RRAS2: variants seen among roughly 807,000 people sequenced by gnomAD.
The protein encoded by RRAS2 is ras-related protein R-Ras2.
Under a neutral mutation model 27.6 loss-of-function variants are expected in RRAS2, and 7 were observed. The ratio of observed to expected loss-of-function variants is 0.25; its 90% CI spans 0.14 to 0.48. The LOEUF (loss-of-function observed/expected upper bound fraction) is 0.48. RRAS2 is among the 20% of genes least tolerant of loss of function. The pLI, the probability that RRAS2 is intolerant of heterozygous loss-of-function variation, is 0.99. For missense variants in RRAS2, 178 were observed against 256.2 expected (o/e 0.69, Z 2.08); for synonymous variants, 86 against 90.9 (o/e 0.95, Z 0.31).
chr11:14,280,141 C>T (rs1167275460), intron 5 of RRAS2, among the ~76,000 whole-genome samples: 1 of 152,216 alleles, frequency 6.6e-6, no homozygotes. Flanking sequence ...GGGTAAAATA[C>T]ATATAACATA....
At chr11:14,288,859 CTTG>C (rs1849733327) in intron 4 of RRAS2, among the ~76,000 whole-genome samples, 1 of 152,208 alleles carries the variant, frequency 6.6e-6, no homozygotes, top group Admixed American at 6.5e-5. Context: ...AGAAGCAAAA[CTTG>C]TTTTCACAAA....
rs1554943818 is a variant in RRAS2 at position 14,278,671 on chromosome 11, T to C, written c.*666A>G. The C allele has an allele frequency of 6.6e-6, 1 of 152,230 alleles. No individual in the cohort carries two copies. The highest frequency in any genetic ancestry group is 2.4e-5 in the African/African-American group (1 of 41,466). 9.4% of individuals were successfully genotyped at this position (152,230 alleles called of 1,614,324 possible). On this transcript the variant is annotated 3_prime_UTR_variant, in exon 6 of 6. Coordinates refer to ENST00000256196, the MANE Select transcript of RRAS2 (RefSeq NM_012250.6). The stretch of plus-strand genomic sequence containing the variant: ...AATTAAAAAATCAAGTACACTGAAA[T>C]ATCTAAGTCCTAAATGAGTCCAAAT...
intron 1 of RRAS2, among the ~76,000 whole-genome samples, chr11:14,347,973 T>C (rs1848874101): frequency 6.6e-6 from 1 of 152,196 alleles, no homozygotes; most frequent in African/African-American, 2.4e-5. Flanking sequence ...GAAGTTATTA[T>C]GCTAAATAAA....
chr11:14,356,209 C>T (rs1554955397), intron 1 of RRAS2, among the ~76,000 whole-genome samples: 1 of 152,068 alleles, frequency 6.6e-6, no homozygotes, highest in African/African-American at 2.4e-5. Flanking sequence ...TCCAAAAAGG[C>T]TCCTTTTTGC....
intron 1 of RRAS2, among the ~76,000 whole-genome samples, chr11:14,345,709 C>A (rs1554953972): frequency 6.6e-6 from 1 of 152,158 alleles, no homozygotes; most frequent in Admixed American, 6.5e-5. Context: ...CAAAAGTATA[C>A]CTCTCAGCCA....
rs371192703 is a variant in RRAS2, at chr11:14,284,391, C to T, written c.409-2671G>A. 7.2e-5 allele frequency among the ~76,000 whole-genome samples: 11 copies of T among 152,310 alleles called. No homozygotes were observed. The East Asian group carries it at 2.1e-3, about 29-fold the overall frequency. On this transcript the variant is annotated intron_variant, in intron 4 of 5. Coordinates refer to ENST00000256196, the MANE Select transcript of RRAS2 (RefSeq NM_012250.6). ...TCTACTGTGGTCAGGAAATTACACA[C>T]TATCTGACTAAAATCCTTTTAAATT...
intron 5 of RRAS2, among the ~76,000 whole-genome samples, chr11:14,281,102 T>C (rs941999661): frequency 1.1e-4 from 17 of 152,310 alleles, no homozygotes; most frequent in African/African-American, 3.8e-4. Flanking sequence ...ATGAGCTGGA[T>C]AAAAAGAAAG....
intron 1 of RRAS2, among the ~76,000 whole-genome samples, chr11:14,349,237 C>T (rs1554954469): frequency 6.6e-6 from 1 of 152,034 alleles, no homozygotes; most frequent in African/African-American, 2.4e-5. Context: ...CTGCAACCTC[C>T]ACCTCCCAGG....
chr11:14,287,936 T>TA (rs1369377909), intron 4 of RRAS2, among the ~76,000 whole-genome samples: 2 of 151,954 alleles, frequency 1.3e-5, no homozygotes. Flanking sequence ...GTCTACATGA[T>TA]AAAACAATCC....
intron 1 of RRAS2, among the ~76,000 whole-genome samples, chr11:14,319,318 T>C (rs1554949942): frequency 6.6e-6 from 1 of 151,300 alleles, no homozygotes; most frequent in Non-Finnish European, 1.5e-5. Context: ...CAATAAAAAT[T>C]ATATTAACTA....
At chr11:14,346,123 CA>C (rs1458181146) in intron 1 of RRAS2, among the ~76,000 whole-genome samples, 1 of 151,950 alleles carries the variant, frequency 6.6e-6, no homozygotes, top group Non-Finnish European at 1.5e-5. Context: ...GTTTTGGAGA[CA>C]GTAATTATGT....
intron 1 of RRAS2, among the ~76,000 whole-genome samples, chr11:14,315,359 C>T (rs575595714): frequency 1.3e-5 from 2 of 152,344 alleles, no homozygotes; most frequent in South Asian, 2.1e-4. Context: ...CATAACCCTA[C>T]ACCTGTCATG....
intron 1 of RRAS2, among the ~76,000 whole-genome samples, chr11:14,305,449 A>G (rs1554947967): frequency 6.6e-6 from 1 of 152,182 alleles, no homozygotes; most frequent in Non-Finnish European, 1.5e-5. Context: ...TTCCTTTTCC[A>G]GAGGACAGAG....
At chr11:14,308,310 C>T (rs1554948401) in intron 1 of RRAS2, 3 of 451,690 alleles carry the variant, frequency 6.6e-6, no homozygotes, top group African/African-American at 2.0e-5. Context: ...CCAAGAGTTT[C>T]GAAAGACCTA....
At chr11:14,298,714 A>G (rs1197264347) in intron 1 of RRAS2, among the ~76,000 whole-genome samples, 2 of 152,196 alleles carry the variant, frequency 1.3e-5, no homozygotes, top group African/African-American at 2.4e-5. Context: ...CGTAAATTGT[A>G]AAGAGCCATC....
chr11:14,281,897 CAGA>C (rs1554944380), intron 4 of RRAS2, among the ~76,000 whole-genome samples, 177 bp from the exon 5 acceptor site: 1 of 152,172 alleles, frequency 6.6e-6, no homozygotes, highest in East Asian at 1.9e-4. Flanking sequence ...CAGAACAATG[CAGA>C]AGAACATATC....
At chr11:14,337,580 G>A (rs1159113675) in intron 1 of RRAS2, among the ~76,000 whole-genome samples, 1 of 152,194 alleles carries the variant, frequency 6.6e-6, no homozygotes, top group Non-Finnish European at 1.5e-5. Context: ...TTCTATTGTA[G>A]TATATGGTTG....
At chr11:14,287,356 A>C (rs782673716) in intron 4 of RRAS2, among the ~76,000 whole-genome samples, 1 of 152,164 alleles carries the variant, frequency 6.6e-6, no homozygotes, top group Non-Finnish European at 1.5e-5. Context: ...TACATCCTTA[A>C]GTTAAAATAT....
chr11:14,310,072 G>A (rs1554948659), intron 1 of RRAS2, among the ~76,000 whole-genome samples: 2 of 152,174 alleles, frequency 1.3e-5, no homozygotes, highest in Admixed American at 1.3e-4. Context: ...ACTTCCAAAG[G>A]AGGGCCAACA....
Sources: allele counts gnomAD v4.1 joint callset (sites outside exome capture counted in the v4.1 genomes callset), GRCh38; gene constraint gnomAD v4.1.1; transcripts MANE v1.5; gene names NCBI Gene and HGNC (gene_info 2026-07-23, HGNC 2026-07-21).